C4orf51: variants seen among roughly 807,000 people sequenced by gnomAD.
C4orf51 encodes uncharacterized protein C4orf51.
C4orf51 carries 25 observed loss-of-function variants against 25.2 expected under a neutral mutation model. That is an observed-to-expected ratio of 0.99 (90% confidence interval 0.72 to 1.39). The LOEUF (loss-of-function observed/expected upper bound fraction) is 1.39. C4orf51 is among the 40% of genes most tolerant of loss of function. The pLI is 0.00. For missense variants in C4orf51, 252 were observed against 239.6 expected, an observed-to-expected ratio of 1.05 and a Z score of -0.34; for synonymous variants, 100 against 84.5, an observed-to-expected ratio of 1.18 and a Z score of -1.01.
chr4:145,757,290 A>G (rs889158693), downstream of C4orf51, among the ~76,000 whole-genome samples: 1 of 152,170 alleles, frequency 6.6e-6, no homozygotes, highest in African/African-American at 2.4e-5. Flanking sequence ...CCCTTTGGCT[A>G]TGGGGTCAAT....
At chr4:145,693,686 G>A (rs111947018) in intron 1 of C4orf51, among the ~76,000 whole-genome samples, 1 of 76,336 alleles carries the variant, frequency 1.3e-5, no homozygotes, top group East Asian at 4.2e-4. Flanking sequence ...CCTCCCTCCC[G>A]GAGGGGGCGG....
chr4:145,684,575 G>A (rs955738879), intron 1 of C4orf51, among the ~76,000 whole-genome samples: 1 of 152,214 alleles, frequency 6.6e-6, no homozygotes, highest in Non-Finnish European at 1.5e-5. Context: ...CTATCAAGGT[G>A]AACCCCTAAG....
chr4:145,703,528 G>A (rs1730603141), intron 2 of C4orf51, among the ~76,000 whole-genome samples: 1 of 152,160 alleles, frequency 6.6e-6, no homozygotes, highest in Admixed American at 6.5e-5. Flanking sequence ...GATATGGTTT[G>A]CAAATATTTC....
chr4:145,751,576 T>A (rs1470936688), intron 1 of C4orf51, among the ~76,000 whole-genome samples: 1 of 152,178 alleles, frequency 6.6e-6, no homozygotes, highest in Non-Finnish European at 1.5e-5. Context: ...CTACACTGGG[T>A]CAGACCTGAA....
intron 1 of C4orf51, among the ~76,000 whole-genome samples, chr4:145,739,087 A>G (rs1486265305): frequency 6.6e-6 from 1 of 152,214 alleles, no homozygotes; most frequent in South Asian, 2.1e-4. Flanking sequence ...TAGATGCTCT[A>G]AAGTCTTGCT....
intron 3 of C4orf51, among the ~76,000 whole-genome samples, chr4:145,728,294 T>C (rs1732227621): frequency 6.6e-6 from 1 of 151,932 alleles, no homozygotes; most frequent in Non-Finnish European, 1.5e-5. Context: ...TGTTTTCCTA[T>C]ATCCTCTCTA....
At chr4:145,708,351 T>G (rs981107500) in intron 2 of C4orf51, among the ~76,000 whole-genome samples, 1 of 152,228 alleles carries the variant, frequency 6.6e-6, no homozygotes, top group Non-Finnish European at 1.5e-5. Context: ...AGTAGTTTCT[T>G]GTTTTAAGGT....
At chr4:145,789,493 A>G in the C4orf51 span, among the ~76,000 whole-genome samples, 2 of 152,206 alleles carry the variant, frequency 1.3e-5, no homozygotes, top group African/African-American at 4.8e-5. Context: ...ACACATATTT[A>G]ATATTTAACC....
At chr4:145,786,895 C>T in the C4orf51 span, among the ~76,000 whole-genome samples, 1 of 152,326 alleles carries the variant, frequency 6.6e-6, no homozygotes, top group Admixed American at 6.5e-5. Flanking sequence ...GAGGATCTAC[C>T]TTGCAGTGTC....
At chr4:145,690,482 C>T (rs113791863) in intron 1 of C4orf51, among the ~76,000 whole-genome samples, 39,297 of 151,674 alleles carry the variant, frequency 0.26, 5,334 homozygotes, top group East Asian at 0.42. Context: ...CCAGCCTGGG[C>T]GACAGAGTGA....
chr4:145,776,057 G>A, the C4orf51 span: 48 of 1,368,672 alleles, frequency 3.5e-5, no homozygotes, highest in Non-Finnish European at 4.8e-5. Flanking sequence ...GGAAAGAATG[G>A]TTCAAGTCAT....
At chr4:145,729,832 C>A in intron 4 of C4orf51, 60 bp from the exon 5 acceptor site, 4 of 1,429,854 alleles carry the variant, frequency 2.8e-6, no homozygotes, top group South Asian at 1.1e-5. Flanking sequence ...CAGGAAATTT[C>A]ACTTATGGTA....
intron 1 of C4orf51, among the ~76,000 whole-genome samples, chr4:145,743,933 C>T (rs944703954): frequency 3.3e-5 from 5 of 152,198 alleles, no homozygotes; most frequent in Non-Finnish European, 7.3e-5. Context: ...CATAATGCCT[C>T]CTCCCACCAC....
downstream of C4orf51, among the ~76,000 whole-genome samples, chr4:145,733,431 G>A (rs925597663): frequency 2.3e-4 from 35 of 152,342 alleles, no homozygotes; most frequent in African/African-American, 7.9e-4. Flanking sequence ...GCCCGCTGCC[G>A]TCTAGGCCCG....
downstream of C4orf51, among the ~76,000 whole-genome samples, chr4:145,733,329 C>A (rs1033858593): frequency 6.6e-6 from 1 of 152,214 alleles, no homozygotes; most frequent in Non-Finnish European, 1.5e-5. Flanking sequence ...GATTCCCCCC[C>A]ACCACCGCCC....
In C4orf51 at chr4:145,702,189, G is replaced by C. The variant is rs1578954674; in HGVS notation, c.307+5557G>C. ...TCCTTACCATTCCCCCATTTTACCTGTCCTAAAACCAGACAAGGCTTACAA... is the reference window on the plus strand; with the variant it reads ...TCCTTACCATTCCCCCATTTTACCTCTCCTAAAACCAGACAAGGCTTACAA... On this transcript the variant is annotated intron_variant, in intron 2 of 5. Transcript: ENST00000438731. 2.6e-5 allele frequency among the ~76,000 whole-genome samples: 4 copies of C among 152,032 alleles called. No individual in the cohort carries two copies. The Middle Eastern group carries it at 0.014, about 517-fold the overall frequency.
chr4:145,713,266 ACACCAT>A (rs1376087741), intron 2 of C4orf51, among the ~76,000 whole-genome samples: 2 of 152,234 alleles, frequency 1.3e-5, no homozygotes, highest in African/African-American at 4.8e-5. Context: ...AAGGCTATGG[ACACCAT>A]AGATAATGAT....
At chr4:145,728,121 T>C (rs1309398052) in intron 3 of C4orf51, among the ~76,000 whole-genome samples, 5 of 148,394 alleles carry the variant, frequency 3.4e-5, no homozygotes, top group Admixed American at 6.9e-5. Context: ...CTGTAACCAA[T>C]GCTGTGATCA....
intron 2 of C4orf51, among the ~76,000 whole-genome samples, chr4:145,710,117 ATTT>A (rs1731050251): frequency 1.3e-5 from 2 of 152,224 alleles, no homozygotes; most frequent in Non-Finnish European, 2.9e-5. Flanking sequence ...AGCAGAATGT[ATTT>A]GAGTCATGGC....
Sources: allele counts gnomAD v4.1 joint callset (sites outside exome capture counted in the v4.1 genomes callset), GRCh38; gene constraint gnomAD v4.1.1; transcripts MANE v1.5; gene names NCBI Gene and HGNC (gene_info 2026-07-23, HGNC 2026-07-21).